TTC29: variants seen among roughly 807,000 people sequenced by gnomAD.
TTC29 encodes tetratricopeptide repeat domain 29, also known as tetratricopeptide repeat protein 29.
A neutral mutation model predicts 58.1 loss-of-function variants in TTC29; 49 were observed. That is an observed-to-expected ratio of 0.84 (90% CI 0.67 to 1.07). TTC29 has a LOEUF of 1.07. Among genes scored for constraint, TTC29 ranks in the 50% least tolerant of loss-of-function variants. The pLI is 0.00. For missense variants in TTC29, 582 were observed against 555.6 expected (o/e 1.05, Z -0.48); for synonymous variants, 209 against 196.8 (o/e 1.06, Z -0.52).
chr4:146,864,044 G>A (rs1260712904), intron 8 of TTC29, among the ~76,000 whole-genome samples: 1 of 152,124 alleles, frequency 6.6e-6, no homozygotes, highest in East Asian at 1.9e-4. Flanking sequence ...ACCCAGCCTA[G>A]TTGGCACATA....
intron 9 of TTC29, among the ~76,000 whole-genome samples, chr4:146,826,304 G>T (rs574403821): frequency 4.7e-4 from 71 of 152,252 alleles, no homozygotes; most frequent in Admixed American, 8.5e-4. Flanking sequence ...GAAAGGCCTG[G>T]TGGTAACAAA....
chr4:146,727,489 G>A (rs1743883217), intron 11 of TTC29, among the ~76,000 whole-genome samples: 1 of 152,148 alleles, frequency 6.6e-6, no homozygotes, highest in Non-Finnish European at 1.5e-5. Context: ...AAAATCCTCT[G>A]TGCTTTGCCA....
At chr4:146,800,827 A>G (rs1750162860) in intron 11 of TTC29, among the ~76,000 whole-genome samples, 1 of 152,228 alleles carries the variant, frequency 6.6e-6, no homozygotes, top group Non-Finnish European at 1.5e-5. Flanking sequence ...CCTGTTTTCA[A>G]GAGACTTTTA....
chr4:146,819,097 A>C (rs1014106250), intron 10 of TTC29, among the ~76,000 whole-genome samples: 21 of 151,802 alleles, frequency 1.4e-4, no homozygotes, highest in South Asian at 6.2e-4. Context: ...CTAAAACTTA[A>C]AGTATAACAA....
rs1736184656 is a variant in TTC29 at position 146,939,753 on chromosome 4, T to C, written c.92+51A>G. On this transcript the variant is annotated intron_variant, in intron 3 of 12. Transcript: ENST00000325106. ...TGAGATACATTATTGACATTTCTTA[T>C]TACAGAAAATTCCTTCTGTAGGAAA... 2.8e-6 allele frequency: 4 copies of C among 1,452,210 alleles called. No homozygotes were observed. The South Asian group carries it at 3.8e-5, about 14-fold the overall frequency. 90.0% of individuals were successfully genotyped at this position (1,452,210 alleles called of 1,614,324 possible).
At chr4:146,792,898 CTT>C (rs952460719) in intron 11 of TTC29, among the ~76,000 whole-genome samples, 1 of 152,078 alleles carries the variant, frequency 6.6e-6, no homozygotes, top group Non-Finnish European at 1.5e-5. Flanking sequence ...TCATGGATGA[CTT>C]TGAGAGGTTT....
chr4:146,942,444 T>C, intron 2 of TTC29: 1 of 460,668 alleles, frequency 2.2e-6, no homozygotes, highest in Middle Eastern at 3.0e-4. Flanking sequence ...GATTAGATGT[T>C]ATATTAAACA....
At chr4:146,772,129 C>T (rs946317925) in intron 11 of TTC29, among the ~76,000 whole-genome samples, 1 of 151,902 alleles carries the variant, frequency 6.6e-6, no homozygotes, top group Non-Finnish European at 1.5e-5. Flanking sequence ...GTTTAAGTTC[C>T]TTATAGATTC....
intron 11 of TTC29, among the ~76,000 whole-genome samples, chr4:146,778,870 T>C (rs1457785077): frequency 6.7e-6 from 1 of 149,070 alleles, no homozygotes; most frequent in African/African-American, 2.5e-5. Flanking sequence ...ACCTATTGGG[T>C]TCATTGTTCA....
At chr4:146,874,589 A>G (rs746093009) in intron 7 of TTC29, 127 bp downstream of exon 7, 152 of 753,200 alleles carry the variant, frequency 2.0e-4, no homozygotes, top group Non-Finnish European at 3.0e-4. Flanking sequence ...AAGTAAATTG[A>G]TGGCATTTGT....
intron 4 of TTC29, among the ~76,000 whole-genome samples, chr4:146,931,670 C>G (rs1580007875): frequency 6.6e-6 from 1 of 152,252 alleles, no homozygotes; most frequent in East Asian, 1.9e-4. Context: ...TTAGAGACAT[C>G]TTTTTTTAAT....
chr4:146,821,985 G>GTT lies in TTC29; in HGVS notation c.978-1739_978-1738dup, dbSNP rs34100285. Among the ~76,000 whole-genome samples, 356 of 109,520 alleles carry GTT rather than the reference G, an allele frequency of 3.3e-3. 3 individuals are homozygous for GTT. The highest frequency in any genetic ancestry group is 5.3e-3 in the Middle Eastern group (1 of 188). The allele number at this position is 109,520 out of a possible 152,430, so 71.8% of individuals were successfully genotyped here. Reference sequence around the variant, plus strand: ...CTATCCTCGTAAGAACATGTCTAGTGTTTTTTTTTTTTTTTTTTTTTCTGG... The same window carrying GTT: ...CTATCCTCGTAAGAACATGTCTAGTGTTTTTTTTTTTTTTTTTTTTTTTCTGG... On this transcript the variant is annotated intron_variant, in intron 9 of 12. Transcript: ENST00000325106.
chr4:146,748,961 C>T (rs947158762), intron 11 of TTC29, among the ~76,000 whole-genome samples: 2 of 151,948 alleles, frequency 1.3e-5, no homozygotes, highest in Non-Finnish European at 2.9e-5. Flanking sequence ...CAGTAAGATA[C>T]AATAGAGAGA....
intron 11 of TTC29, among the ~76,000 whole-genome samples, chr4:146,726,376 C>A (rs763194616): frequency 6.6e-6 from 1 of 151,970 alleles, no homozygotes; most frequent in African/African-American, 2.4e-5. Flanking sequence ...TTGCTTGAAC[C>A]CGGGAGGCGG....
At chr4:146,763,065 T>C (rs1362398339) in intron 11 of TTC29, among the ~76,000 whole-genome samples, 1 of 152,066 alleles carries the variant, frequency 6.6e-6, no homozygotes, top group Non-Finnish European at 1.5e-5. Flanking sequence ...TTTGGAATTT[T>C]AGATACCCAG....
At chr4:146,747,419 G>T (rs906040651) in intron 11 of TTC29, among the ~76,000 whole-genome samples, 5 of 152,158 alleles carry the variant, frequency 3.3e-5, no homozygotes, top group Non-Finnish European at 7.4e-5. Context: ...CTTCTGCTAT[G>T]CCCTGCCTCT....
intron 11 of TTC29, among the ~76,000 whole-genome samples, chr4:146,777,546 A>G (rs910630683): frequency 6.6e-6 from 1 of 152,094 alleles, no homozygotes; most frequent in African/African-American, 2.4e-5. Context: ...CCTTCATATT[A>G]CTTTTTCTCT....
At chr4:146,885,489 A>C (rs1731921280) in intron 6 of TTC29, among the ~76,000 whole-genome samples, 1 of 152,122 alleles carries the variant, frequency 6.6e-6, no homozygotes, top group African/African-American at 2.4e-5. Context: ...TTATTTTATT[A>C]GAACGACATT....
At chr4:146,863,642 T>C (rs1730387769) in intron 8 of TTC29, among the ~76,000 whole-genome samples, 2 of 152,198 alleles carry the variant, frequency 1.3e-5, no homozygotes, top group South Asian at 2.1e-4. Flanking sequence ...TTGTTACTTA[T>C]TGTAAGGTAC....
Sources: allele counts gnomAD v4.1 joint callset (sites outside exome capture counted in the v4.1 genomes callset), GRCh38; gene constraint gnomAD v4.1.1; transcripts MANE v1.5; gene names NCBI Gene and HGNC (gene_info 2026-07-23, HGNC 2026-07-21).